The following RTN4 variants were observed in gnomAD, a reference collection of about 807,000 sequenced individuals.
The protein encoded by RTN4 is reticulon-4.
RTN4 carries 32 observed loss-of-function variants against 90.4 expected under a neutral mutation model. The observed-to-expected ratio is 0.35, with a 90% CI of 0.27 to 0.48. The LOEUF is 0.48. Among genes scored for constraint, RTN4 ranks in the 20% least tolerant of loss-of-function variants. RTN4 has a pLI of 0.99. For synonymous variants in RTN4, 629 were observed against 552.5 expected, an observed-to-expected ratio of 1.14 and a Z score of -1.94; for missense variants, 1,706 against 1,430.2, an observed-to-expected ratio of 1.19 and a Z score of -3.11.
At chr2:55,050,454 G>A (rs1668045392), upstream of RTN4, 2 of 434,652 alleles carry the variant, frequency 4.6e-6, no homozygotes, top group African/African-American at 2.0e-5. This position sits in a 1 kb window ranked among gnomAD's most constrained non-coding sequence, Gnocchi z 4.6. Flanking sequence ...GGAACAATGA[G>A]ACTGCTCCTC....
At chr2:55,108,707 T>C (rs1379116961) in intron 1 of RTN4, among the ~76,000 whole-genome samples, 1 of 152,080 alleles carries the variant, frequency 6.6e-6, no homozygotes, top group Non-Finnish European at 1.5e-5. Flanking sequence ...AAGAAATAAA[T>C]ATTTAGGTTG....
upstream of RTN4, among the ~76,000 whole-genome samples, chr2:55,055,117 T>C (rs540695110): frequency 7.2e-5 from 11 of 152,126 alleles, no homozygotes; most frequent in East Asian, 1.9e-3. Context: ...TTTAACTGTT[T>C]TCGGTCCCCT....
At position 55,041,471 on chromosome 2, in the gene RTN4, G is replaced by A. The variant is rs137986915; in HGVS notation, c.556+8274C>T. ...AAAATATTTATGGAAAAGCCGTTTA[G>A]CTAGTATTTAAAAATTATAGCACAA... On this transcript the variant is annotated intron_variant, in intron 1 of 8. Coordinates refer to ENST00000337526, the MANE Select transcript of RTN4 (RefSeq NM_020532.5). 2.6e-4 allele frequency among the ~76,000 whole-genome samples: 39 copies of A among 152,128 alleles called. No individual in the cohort carries two copies. In the East Asian group the frequency reaches 6.9e-3, roughly 27 times the overall value.
chr2:55,050,281 G>C lies in RTN4; in HGVS notation c.20C>G (p.Ser7Cys), dbSNP rs1377981834. MEDLDQ[S>C]PLVSSSDSPP... Reference sequence around the variant, plus strand: ...GCTGTCCGAGGACGAGACCAGAGGAGACTGGTCCAGGTCTTCCATGGCTGG... The same window carrying C: ...GCTGTCCGAGGACGAGACCAGAGGACACTGGTCCAGGTCTTCCATGGCTGG... The change falls in exon 1 of 9, where the codon TCT becomes TGT. Residue 7 changes from serine (S) to cysteine (C), a missense_variant. Transcript: ENST00000337526. The surrounding 1 kb of genome is among the most constrained non-coding windows in gnomAD (Gnocchi z 4.6). 1 of 1,473,934 alleles carries C rather than the reference G, an allele frequency of 6.8e-7. No homozygotes were observed. The highest frequency in any genetic ancestry group is 1.5e-5 in the African/African-American group (1 of 68,444). The allele number at this position is 1,473,934 out of a possible 1,614,324, so 91.3% of individuals were successfully genotyped here. A position where few individuals can be genotyped will look rare whatever the true frequency, so the allele number is the denominator to read the frequency against.
chr2:55,023,307 T>C (rs1444466006), intron 3 of RTN4, among the ~76,000 whole-genome samples: 1 of 152,164 alleles, frequency 6.6e-6, no homozygotes, highest in Non-Finnish European at 1.5e-5. Flanking sequence ...CTTTCAACCT[T>C]GATTAGGCTC....
intron 3 of RTN4, among the ~76,000 whole-genome samples, chr2:54,998,094 A>G (rs896965595): frequency 4.6e-5 from 7 of 152,112 alleles, no homozygotes; most frequent in Non-Finnish European, 8.8e-5. Flanking sequence ...AAAAGGCCAT[A>G]TATTTTATGA....
rs1677081847 is a variant in RTN4, at chr2:54,972,212, A to ATACTT, written c.*939_*943dup. On this transcript the variant is annotated 3_prime_UTR_variant, in exon 9 of 9. Coordinates refer to ENST00000337526, the MANE Select transcript of RTN4 (RefSeq NM_020532.5). ...TATTTTAAGTCTATAAGCTTTATTG[A>ATACTT]TACTTTGCTTTTACAGTTCACAATG... 2.6e-5 allele frequency: 4 copies of ATACTT among 152,648 alleles called. No homozygotes were observed. The South Asian group carries it at 6.2e-4, about 24-fold the overall frequency. The allele number at this position is 152,648 out of a possible 1,614,324, so 9.5% of individuals were successfully genotyped here. A position where few individuals can be genotyped will look rare whatever the true frequency, so the allele number is the denominator to read the frequency against.
chr2:54,991,439 T>A (rs1234065887), intron 3 of RTN4, among the ~76,000 whole-genome samples: 1 of 152,224 alleles, frequency 6.6e-6, no homozygotes, highest in African/African-American at 2.4e-5. Context: ...GGACTGGGAT[T>A]CAAGAGACCC....
rs183015800 is a variant in RTN4, at chr2:55,105,779, C to G, written c.-214+6741G>C. On this transcript the variant is annotated intron_variant, in intron 1 of 3. Coordinates refer to the RTN4 transcript ENST00000427710. ...TTGTGACCAGGGATACAAGACCAAC[C>G]TGGGCAACATAGAGAGACACCCCGC... is the stretch of plus-strand genomic sequence containing the variant. Among the ~76,000 whole-genome samples the G allele has an allele frequency of 1.8e-3, 275 of 152,020 alleles. 1 individual carries two copies. Among genetic ancestry groups the G allele is most frequent in the South Asian group, 7.9e-3 (38 of 4,822 alleles).
rs1190199315 is a variant in RTN4, at chr2:54,972,813, T to TAGCTCCACCATCTCTGCAACTTGCCA, written c.*317_*342dup. On this transcript the variant is annotated 3_prime_UTR_variant, in exon 9 of 9. Coordinates refer to ENST00000337526, the MANE Select transcript of RTN4 (RefSeq NM_020532.5). ...AAAAGGGCTTTTTTTTTTTTTTTTC[T>TAGCTCCACCATCTCTGCAACTTGCCA]AGCTCCACCATCTCTGCAACTTGCC... is the stretch of plus-strand genomic sequence containing the variant. 5.2e-6 allele frequency: 1 copy of TAGCTCCACCATCTCTGCAACTTGCCA among 190,994 alleles called. No individual in the cohort carries two copies. The highest frequency in any genetic ancestry group is 1.0e-5 in the Non-Finnish European group (1 of 96,118). The allele number at this position is 190,994 out of a possible 1,614,324, so 11.8% of individuals were successfully genotyped here.
intron 1 of RTN4, 129 bp downstream of exon 1, chr2:55,049,616 T>G (rs1315953293): frequency 7.0e-7 from 1 of 1,438,838 alleles, no homozygotes; most frequent in Non-Finnish European, 9.5e-7. Context: ...CGGGGCGCCA[T>G]CGCCCCGAAG....
intron 1 of RTN4, among the ~76,000 whole-genome samples, chr2:55,106,875 A>G (rs1667953041): frequency 6.6e-6 from 1 of 152,212 alleles, no homozygotes; most frequent in Non-Finnish European, 1.5e-5. Flanking sequence ...GATTCTTTGA[A>G]TGTTTAAAGA....
In RTN4 at chr2:54,973,025, A is replaced by AAAT. The variant is rs746611435; in HGVS notation, c.*128_*130dup. The AAAT allele has an allele frequency of 1.0e-4, 71 of 697,560 alleles. No individual in the cohort carries two copies. The highest frequency in any genetic ancestry group is 2.4e-4 in the Middle Eastern group (1 of 4,098). The allele number at this position is 697,560 out of a possible 1,614,324, so 43.2% of individuals were successfully genotyped here. Reference sequence around the variant, plus strand: ...TTTCCTCACAACAGTGCATGGCTAAAAATAAAGATCTAACAACGATCTGTG... The same window carrying AAAT: ...TTTCCTCACAACAGTGCATGGCTAAAAATAATAAAGATCTAACAACGATCTGTG... On this transcript the variant is annotated 3_prime_UTR_variant, in exon 9 of 9. Transcript: ENST00000337526.
chr2:55,115,742 C>T (rs1392776546), upstream of RTN4, among the ~76,000 whole-genome samples: 1 of 152,190 alleles, frequency 6.6e-6, no homozygotes, highest in Non-Finnish European at 1.5e-5. Context: ...CTGTACATTG[C>T]TTCTCCTCTT....
At chr2:55,094,858 C>T (rs113945884) in intron 1 of RTN4, among the ~76,000 whole-genome samples, 4,074 of 152,174 alleles carry the variant, frequency 0.027, 93 homozygotes, top group South Asian at 0.096. Flanking sequence ...AGTGTTAATA[C>T]CCAAAAGTGA....
chr2:55,080,108 C>A (rs377224954), intron 2 of RTN4, among the ~76,000 whole-genome samples: 1 of 152,086 alleles, frequency 6.6e-6, no homozygotes, highest in African/African-American at 2.4e-5. Context: ...CCTTGACCTC[C>A]CAGGCTCAAA....
the RTN4 span, among the ~76,000 whole-genome samples, chr2:55,124,656 A>T: frequency 6.6e-6 from 1 of 152,256 alleles, no homozygotes; most frequent in African/African-American, 2.4e-5. Context: ...CAATTTACAG[A>T]TTCAATGCTA....
intron 3 of RTN4, among the ~76,000 whole-genome samples, chr2:54,993,419 A>G (rs1043869017): frequency 6.6e-6 from 1 of 152,232 alleles, no homozygotes; most frequent in African/African-American, 2.4e-5. Flanking sequence ...CTAGCAGTAT[A>G]TAACTAAGTT....
At chr2:55,101,433 T>G (rs189167965) in intron 1 of RTN4, among the ~76,000 whole-genome samples, 6 of 152,258 alleles carry the variant, frequency 3.9e-5, no homozygotes, top group Non-Finnish European at 8.8e-5. Context: ...ACTAATAAGT[T>G]TCTGTAAAAA....
Sources: allele counts gnomAD v4.1 joint callset (sites outside exome capture counted in the v4.1 genomes callset), GRCh38; gene constraint gnomAD v4.1.1; non-coding constraint Gnocchi (gnomAD v3.1); transcripts MANE v1.5; gene names NCBI Gene and HGNC (gene_info 2026-07-23, HGNC 2026-07-21).